The following PTPRD variants were observed in gnomAD, a reference collection of about 807,000 sequenced individuals.
PTPRD encodes receptor-type tyrosine-protein phosphatase delta.
Under a neutral mutation model 214.5 loss-of-function variants are expected in PTPRD, and 34 were observed. The ratio of observed to expected loss-of-function variants is 0.16; its 90% CI spans 0.12 to 0.21. PTPRD has a LOEUF of 0.21. PTPRD is among the 10% of genes least tolerant of loss of function. The probability of loss-of-function intolerance (pLI) is 1.00; values close to 1 mark genes in which losing one functional copy is unlikely to be tolerated. For synonymous variants in PTPRD, 1,128 were observed against 845.7 expected (o/e 1.33, Z -5.79); for missense variants, 2,545 against 2,398.7 (o/e 1.06, Z -1.27).
intron 9 of PTPRD, among the ~76,000 whole-genome samples, chr9:9,239,543 A>T (rs1290585801): frequency 6.6e-6 from 1 of 152,172 alleles, no homozygotes; most frequent in Admixed American, 6.6e-5. Context: ...TATTTTTGAT[A>T]CTTGCCTGAT....
intron 9 of PTPRD, among the ~76,000 whole-genome samples, chr9:9,323,884 C>T (rs565027715): frequency 2.0e-5 from 3 of 152,230 alleles, no homozygotes; most frequent in South Asian, 4.2e-4. Context: ...ATGTTCCCTG[C>T]TGTGTCCAAG....
chr9:10,448,176 CA>C (rs1324830313), intron 2 of PTPRD, among the ~76,000 whole-genome samples: 3 of 152,050 alleles, frequency 2.0e-5, no homozygotes, highest in Admixed American at 2.0e-4. Context: ...ACTACATTAC[CA>C]TAACTAAATA....
At chr9:8,893,982 A>G (rs766339988) in intron 11 of PTPRD, among the ~76,000 whole-genome samples, 4 of 152,168 alleles carry the variant, frequency 2.6e-5, no homozygotes, top group African/African-American at 7.2e-5. Context: ...CAGCTCAAAC[A>G]TATTGTATCT....
intron 5 of PTPRD, among the ~76,000 whole-genome samples, chr9:9,909,778 G>T (rs904992892): frequency 1.2e-3 from 179 of 150,268 alleles, no homozygotes; most frequent in African/African-American, 3.6e-3. Context: ...TGGATTGAAT[G>T]TTTTTTTTTG....
At chr9:9,391,741 A>G (rs2140935781) in intron 9 of PTPRD, among the ~76,000 whole-genome samples, 2 of 152,300 alleles carry the variant, frequency 1.3e-5, no homozygotes, top group South Asian at 4.1e-4. Context: ...AACTCCCTGG[A>G]AAAACATGGG....
intron 39 of PTPRD, among the ~76,000 whole-genome samples, chr9:8,372,686 C>T (rs915914767): frequency 6.6e-6 from 1 of 151,998 alleles, no homozygotes; most frequent in Non-Finnish European, 1.5e-5. Flanking sequence ...AGACTCTGTC[C>T]TCCTTGACCT....
At chr9:9,673,121 T>C (rs1053253827) in intron 7 of PTPRD, among the ~76,000 whole-genome samples, 4 of 152,134 alleles carry the variant, frequency 2.6e-5, no homozygotes, top group East Asian at 1.9e-4. Context: ...AAGTTAATTC[T>C]AGGGAATTGT....
At chr9:10,291,652 A>T (rs1183696131) in intron 3 of PTPRD, among the ~76,000 whole-genome samples, 1 of 152,028 alleles carries the variant, frequency 6.6e-6, no homozygotes, top group African/African-American at 2.4e-5. Context: ...ACAGAAAAGG[A>T]ACCAAATTCT....
intron 2 of PTPRD, among the ~76,000 whole-genome samples, chr9:10,560,045 C>A (rs977447745): frequency 6.6e-6 from 1 of 152,068 alleles, no homozygotes; most frequent in Non-Finnish European, 1.5e-5. Context: ...TTGACCCAGC[C>A]ATCCATTACT....
chr9:8,675,954 G>A lies in PTPRD; in HGVS notation c.65-39110C>T, dbSNP rs78255835. On this transcript the variant is annotated intron_variant, in intron 12 of 45. Transcript: ENST00000381196. ...AATGTGCTCCTGGTCCCTGACCTTC[G>A]GGATCAACTCCAACCCTCAGAATCT... Among the ~76,000 whole-genome samples, 1,428 of 152,082 alleles carry A rather than the reference G, an allele frequency of 9.4e-3. 10 individuals are homozygous for A. The highest frequency in any genetic ancestry group is 0.016 in the Non-Finnish European group (1,061 of 67,984).
intron 7 of PTPRD, among the ~76,000 whole-genome samples, chr9:9,602,634 T>C (rs73641330): frequency 0.019 from 2,837 of 152,204 alleles, 79 homozygotes; most frequent in African/African-American, 0.065. Flanking sequence ...CTATCTTTTT[T>C]TCATTATTAC....
chr9:10,134,521 T>G (rs1241365091), intron 3 of PTPRD, among the ~76,000 whole-genome samples: 1 of 152,168 alleles, frequency 6.6e-6, no homozygotes, highest in African/African-American at 2.4e-5. Flanking sequence ...AGTTGCAGCC[T>G]GATTTACACC....
At chr9:8,505,527 C>T (rs534962081) in intron 22 of PTPRD, among the ~76,000 whole-genome samples, 1 of 147,726 alleles carries the variant, frequency 6.8e-6, no homozygotes, top group South Asian at 2.1e-4. Flanking sequence ...GAGGCTGAGG[C>T]AGGAGGATGG....
At chr9:8,745,386 C>G (rs138337082) in intron 11 of PTPRD, among the ~76,000 whole-genome samples, 1,855 of 152,222 alleles carry the variant, frequency 0.012, 33 homozygotes, top group African/African-American at 0.043. Context: ...AAAAGTCCCT[C>G]CTTTAATTAG....
At chr9:8,579,008 G>C (rs1214166392) in intron 14 of PTPRD, among the ~76,000 whole-genome samples, 1 of 152,178 alleles carries the variant, frequency 6.6e-6, no homozygotes, top group African/African-American at 2.4e-5. Flanking sequence ...CTAGGACAGA[G>C]ATGATATATT....
chr9:9,079,546 A>G (rs1251423992), intron 10 of PTPRD, among the ~76,000 whole-genome samples: 1 of 152,016 alleles, frequency 6.6e-6, no homozygotes, highest in African/African-American at 2.4e-5. Flanking sequence ...ATGTAGTTGC[A>G]TTTGTAGTTG....
intron 9 of PTPRD, among the ~76,000 whole-genome samples, chr9:9,306,243 A>T (rs559169182): frequency 6.6e-6 from 1 of 151,948 alleles, no homozygotes; most frequent in East Asian, 1.9e-4. Context: ...AGATTTAACC[A>T]CATGTACATA....
chr9:9,758,070 T>A (rs965711947), intron 6 of PTPRD, among the ~76,000 whole-genome samples: 3 of 151,178 alleles, frequency 2.0e-5, no homozygotes, highest in African/African-American at 7.3e-5. Context: ...TAATACTGAT[T>A]GGGTGTATTG....
intron 11 of PTPRD, among the ~76,000 whole-genome samples, chr9:8,977,272 G>C (rs1000850292): frequency 6.6e-6 from 1 of 152,022 alleles, no homozygotes; most frequent in African/African-American, 2.4e-5. Flanking sequence ...AGTCTTGCCA[G>C]ATTCACAATT....
Sources: gnomAD v4.1 joint callset for allele counts (sites outside exome capture counted in the v4.1 genomes callset) on GRCh38, gnomAD v4.1.1 for gene constraint, MANE v1.5 for transcripts, NCBI Gene and HGNC (gene_info 2026-07-23, HGNC 2026-07-21) for gene names.